The following EP400 variants were observed in gnomAD, a reference collection of about 807,000 sequenced individuals.
EP400 encodes the protein E1A-binding protein p400.
EP400 carries 105 observed loss-of-function variants against 354.1 expected under a neutral mutation model. The observed-to-expected ratio is 0.30, with a 90% CI of 0.25 to 0.35. The LOEUF (loss-of-function observed/expected upper bound fraction) is 0.35, where lower values mean the gene tolerates loss of function less well. Among genes scored for constraint, EP400 ranks in the 10% least tolerant of loss-of-function variants. The probability of loss-of-function intolerance (pLI) is 1.00; values close to 1 mark genes in which losing one functional copy is unlikely to be tolerated. For missense variants in EP400, 3,280 were observed against 4,121.0 expected, an observed-to-expected ratio of 0.80 and a Z score of 5.59; for synonymous variants, 1,646 against 1,716.9, an observed-to-expected ratio of 0.96 and a Z score of 1.02.
At chr12:132,069,387 G>A in intron 50 of EP400, 108 bp from the exon 51 acceptor site, 2 of 1,496,594 alleles carry the variant, frequency 1.3e-6, no homozygotes, top group Non-Finnish European at 1.8e-6. Context: ...CTGGGAGGTA[G>A]GCTGGAAAGG....
intron 16 of EP400, among the ~76,000 whole-genome samples, chr12:132,012,147 T>C (rs1380096526): frequency 2.0e-5 from 3 of 152,210 alleles, no homozygotes; most frequent in African/African-American, 7.2e-5. Flanking sequence ...TTCCATTGAG[T>C]AGAACGTTTT....
chr12:132,040,895 G>T (rs1308593334), intron 32 of EP400, among the ~76,000 whole-genome samples: 2 of 152,162 alleles, frequency 1.3e-5, no homozygotes, highest in Non-Finnish European at 2.9e-5. Flanking sequence ...CCTTTGTTGA[G>T]ACTCAGTTGT....
rs772260020 is a variant in EP400, at chr12:132,028,339, C to T, written c.5381+51C>T. The T allele has an allele frequency of 2.2e-5, 35 of 1,590,156 alleles. No homozygotes were observed. In the East Asian group the frequency reaches 2.5e-4, roughly 11 times the overall value. The stretch of plus-strand genomic sequence containing the variant: ...GGTGCTCTCTGGCTGCATTGCACCC[C>T]GGCAAGACCCCTTCTTGTCTCGTGG... On this transcript the variant is annotated intron_variant, in intron 27 of 52. Coordinates refer to ENST00000389561, the MANE Select transcript of EP400 (RefSeq NM_015409.5).
Position 132,056,096 on chromosome 12 carries a change from C to T in EP400, c.7884+888C>T, listed in dbSNP as rs117055146. Among the ~76,000 whole-genome samples the T allele has an allele frequency of 7.2e-3, 1,088 of 152,058 alleles. 35 individuals carry two copies. The South Asian group carries it at 0.094, about 13-fold the overall frequency. ...AGGCACCTAGGCAAAGGTGCAGAGC[C>T]ATGTGGTGCCCTGGGACCACCTGCT... On this transcript the variant is annotated intron_variant, in intron 45 of 52. Coordinates refer to ENST00000389561, the MANE Select transcript of EP400 (RefSeq NM_015409.5).
intron 2 of EP400, among the ~76,000 whole-genome samples, chr12:131,972,234 G>T (rs1022021528): frequency 3.3e-5 from 5 of 150,962 alleles, no homozygotes; most frequent in Non-Finnish European, 5.9e-5. Flanking sequence ...TTCACCGCAA[G>T]CTCCGCCTCC....
intron 37 of EP400, among the ~76,000 whole-genome samples, 180 bp downstream of exon 37, chr12:132,045,133 G>A (rs1401468870): frequency 6.6e-6 from 1 of 152,226 alleles, no homozygotes; most frequent in African/African-American, 2.4e-5. Flanking sequence ...TTCCAGTGAG[G>A]AAACCTTCGT....
At chr12:132,073,047 C>T (rs1489617013) in intron 51 of EP400, among the ~76,000 whole-genome samples, 8 of 152,090 alleles carry the variant, frequency 5.3e-5, no homozygotes, top group East Asian at 1.9e-4. Flanking sequence ...CGGGCAGGTC[C>T]GGTGCTGTTG....
intron 21 of EP400, among the ~76,000 whole-genome samples, chr12:132,019,761 T>C (rs1894064818): frequency 6.6e-6 from 1 of 152,206 alleles, no homozygotes; most frequent in Non-Finnish European, 1.5e-5. Context: ...ATTGATATGA[T>C]TGTGAAAGTT....
chr12:132,001,671 C>G (rs1429240034), intron 12 of EP400, among the ~76,000 whole-genome samples: 2 of 152,160 alleles, frequency 1.3e-5, no homozygotes. Context: ...GAGGCTACAA[C>G]AGGCGTCTTC....
At chr12:131,993,971 T>C (rs1467578156) in intron 11 of EP400, among the ~76,000 whole-genome samples, 1 of 152,168 alleles carries the variant, frequency 6.6e-6, no homozygotes, top group African/African-American at 2.4e-5. Flanking sequence ...CCCGAGGTCG[T>C]CTTTACTTTT....
rs769638166 is a variant in EP400, at chr12:131,961,643, A to G, written c.1024A>G (p.Thr342Ala). ...CCTCCCACTCACGTCTGTGGGGAAC[A>G]CGGGAATGAAGAAGGTTCCCAAGAA... Reference protein sequence around the residue: ...SSLPLTSVGNTGMKKVPKKLE... With the variant: ...SSLPLTSVGNAGMKKVPKKLE... Residue 342 changes from threonine (T) to alanine (A), a missense_variant, in exon 2 of 53, where the codon ACG (threonine) becomes GCG (alanine). Transcript: ENST00000389561. The G allele has an allele frequency of 2.5e-6, 4 of 1,601,782 alleles. No homozygotes were observed. The highest frequency in any genetic ancestry group is 2.2e-5 in the South Asian group (2 of 89,830).
At chr12:131,958,969 G>T (rs1593308875) in intron 1 of EP400, among the ~76,000 whole-genome samples, 1 of 152,334 alleles carries the variant, frequency 6.6e-6, no homozygotes, top group East Asian at 1.9e-4. Context: ...TCCAGCCAGG[G>T]TTGAGGTGAA....
intron 45 of EP400, among the ~76,000 whole-genome samples, chr12:132,056,942 C>T (rs1388644679): frequency 2.0e-5 from 3 of 152,168 alleles, no homozygotes; most frequent in East Asian, 1.9e-4. Flanking sequence ...AGGTGTGCAA[C>T]GCCATGAGTC....
At position 132,027,920 on chromosome 12, in the gene EP400, A is replaced by G; in HGVS notation, c.5110-97A>G. 1 of 1,317,472 alleles carries G rather than the reference A, an allele frequency of 7.6e-7. No individual in the cohort carries two copies. The highest frequency in any genetic ancestry group is 1.1e-6 in the Non-Finnish European group (1 of 944,396). The allele number at this position is 1,317,472 out of a possible 1,614,324, so 81.6% of individuals were successfully genotyped here. A position where few individuals can be genotyped will look rare whatever the true frequency, so the allele number is the denominator to read the frequency against. On this transcript the variant is annotated intron_variant, in intron 26 of 52. Coordinates refer to ENST00000389561, the MANE Select transcript of EP400 (RefSeq NM_015409.5). This position sits in a 1 kb window ranked among gnomAD's most constrained non-coding sequence, Gnocchi z 4.9. The stretch of plus-strand genomic sequence containing the variant: ...GACCGGGGATATTGAAGTGGATCTC[A>G]TATGTGGGAAATCACGGGCTGGGTG...
At chr12:132,024,410 C>T (rs1447270279) in intron 24 of EP400, among the ~76,000 whole-genome samples, 1 of 152,122 alleles carries the variant, frequency 6.6e-6, no homozygotes, top group African/African-American at 2.4e-5. Context: ...TTGCTGCTTT[C>T]TAATATAGGT....
intron 15 of EP400, among the ~76,000 whole-genome samples, chr12:132,010,961 G>T (rs537128264): frequency 1.7e-4 from 26 of 152,214 alleles, no homozygotes; most frequent in Non-Finnish European, 3.4e-4. Context: ...CAAAATCTTA[G>T]TTTTCTGAAG....
chr12:131,981,746 C>G, intron 4 of EP400, 150 bp downstream of exon 4: 1 of 675,634 alleles, frequency 1.5e-6, no homozygotes, highest in Non-Finnish European at 2.5e-6. Flanking sequence ...GAGTCCCAGT[C>G]GATATCATAT....
chr12:132,013,474 C>G lies in EP400; in HGVS notation c.3612-16C>G. On this transcript the variant is annotated splice_polypyrimidine_tract_variant and intron_variant, in intron 17 of 52. Coordinates refer to ENST00000389561, the MANE Select transcript of EP400 (RefSeq NM_015409.5). The surrounding 1 kb of genome is among the most constrained non-coding windows in gnomAD (Gnocchi z 4.5). The stretch of plus-strand genomic sequence containing the variant: ...TGGCTGTAGAACTCCAGTGTTGTCT[C>G]TTGTCCTGTTTGCAGCCAACAACGT... 1 of 1,547,532 alleles carries G rather than the reference C, an allele frequency of 6.5e-7. No homozygotes were observed. The highest frequency in any genetic ancestry group is 8.7e-7 in the Non-Finnish European group (1 of 1,146,336).
chr12:131,977,077 A>G (rs528901245), intron 2 of EP400, among the ~76,000 whole-genome samples: 1 of 151,728 alleles, frequency 6.6e-6, no homozygotes, highest in African/African-American at 2.4e-5. Context: ...CTACCTTTTC[A>G]TATTTTTTTG....
Sources: allele counts gnomAD v4.1 joint callset (sites outside exome capture counted in the v4.1 genomes callset), GRCh38; gene constraint gnomAD v4.1.1; non-coding constraint Gnocchi (gnomAD v3.1); transcripts MANE v1.5; gene names NCBI Gene and HGNC (gene_info 2026-07-23, HGNC 2026-07-21).